The following SLC39A11 variants were observed in gnomAD, a reference collection of about 807,000 sequenced individuals.
SLC39A11 encodes solute carrier family 39 member 11, also known as zinc transporter ZIP11.
In SLC39A11, 33 loss-of-function variants were observed where a neutral mutation model predicts 36.1. The ratio of observed to expected loss-of-function variants is 0.91; its 90% CI spans 0.69 to 1.22. The LOEUF is 1.22. SLC39A11 is among the 50% of genes most tolerant of loss of function. SLC39A11 has a pLI of 0.00. For synonymous variants in SLC39A11, 166 were observed against 170.3 expected (o/e 0.97, Z 0.20); for missense variants, 432 against 430.3 (o/e 1.00, Z -0.03).
intron 6 of SLC39A11, among the ~76,000 whole-genome samples, chr17:72,833,801 G>C (rs963102038): frequency 6.6e-6 from 1 of 152,098 alleles, no homozygotes; most frequent in South Asian, 2.1e-4. Flanking sequence ...TGATGCTCTC[G>C]AGCCTGCTAC....
chr17:72,894,413 T>C (rs959635462), intron 5 of SLC39A11, among the ~76,000 whole-genome samples: 8 of 131,352 alleles, frequency 6.1e-5, no homozygotes, highest in African/African-American at 2.3e-4. Context: ...CTCATGCCTG[T>C]AATCGCAGCA....
At chr17:72,721,842 T>C (rs1035006053) in intron 7 of SLC39A11, among the ~76,000 whole-genome samples, 2 of 151,750 alleles carry the variant, frequency 1.3e-5, no homozygotes, top group East Asian at 1.9e-4. Context: ...TGGTGGTGCA[T>C]GCCCATAATC....
At chr17:72,653,416 T>C (rs138597950) in intron 7 of SLC39A11, among the ~76,000 whole-genome samples, 187 of 148,772 alleles carry the variant, frequency 1.3e-3, no homozygotes, top group Middle Eastern at 6.8e-3. Context: ...TTTTTTTTGT[T>C]TTGGTTTTTC....
chr17:72,766,575 C>T (rs753306080), intron 6 of SLC39A11, among the ~76,000 whole-genome samples: 8 of 152,192 alleles, frequency 5.3e-5, no homozygotes, highest in Non-Finnish European at 1.0e-4. Context: ...GCTTCTTCTG[C>T]TAGTGGCTCT....
intron 6 of SLC39A11, among the ~76,000 whole-genome samples, chr17:72,808,048 G>GA (rs770086098): frequency 5.2e-4 from 75 of 145,258 alleles, no homozygotes; most frequent in Admixed American, 1.4e-3. Flanking sequence ...GTTGTTACAG[G>GA]AAAAAAAAAA....
chr17:72,696,510 G>A (rs1011134995), intron 7 of SLC39A11, among the ~76,000 whole-genome samples: 5 of 152,116 alleles, frequency 3.3e-5, no homozygotes, highest in Admixed American at 3.3e-4. Context: ...TTCCTGTTCC[G>A]CTGGGCTTAA....
In SLC39A11 at chr17:72,704,969, T is replaced by G. The variant is rs11868186; in HGVS notation, c.671+31681A>C. On this transcript the variant is annotated intron_variant, in intron 7 of 9. Transcript: ENST00000255559. ...GGCTGGAGTCATTAGCAGGAAGCCA[T>G]CTTAACACCATTAGAAATGGGCAAT... Among the ~76,000 whole-genome samples, 3 of 152,174 alleles carry G rather than the reference T, an allele frequency of 2.0e-5. No homozygotes were observed. The East Asian group carries it at 5.8e-4, about 29-fold the overall frequency.
At chr17:72,718,500 T>C (rs541206849) in intron 7 of SLC39A11, among the ~76,000 whole-genome samples, 7 of 152,318 alleles carry the variant, frequency 4.6e-5, no homozygotes, top group African/African-American at 1.7e-4. Context: ...GGATTCATAA[T>C]GGGAGATTAG....
chr17:73,066,438 T>C (rs115233709), intron 3 of SLC39A11, among the ~76,000 whole-genome samples: 355 of 152,332 alleles, frequency 2.3e-3, no homozygotes, highest in Middle Eastern at 6.8e-3. Context: ...ACTCCACATT[T>C]ACAGTCTGTT....
chr17:73,041,012 A>AC (rs1555690062), intron 3 of SLC39A11, among the ~76,000 whole-genome samples: 2 of 151,610 alleles, frequency 1.3e-5, no homozygotes, highest in Admixed American at 6.6e-5. Flanking sequence ...CAAAAAACAA[A>AC]AAAAAAAAAC....
chr17:73,039,572 A>G (rs2059039770), intron 3 of SLC39A11, among the ~76,000 whole-genome samples: 1 of 152,216 alleles, frequency 6.6e-6, no homozygotes, highest in African/African-American at 2.4e-5. Flanking sequence ...TTTTTGGTCT[A>G]ATGCCTAATT....
chr17:72,826,978 C>T (rs1015549213), intron 6 of SLC39A11, among the ~76,000 whole-genome samples: 2 of 152,284 alleles, frequency 1.3e-5, no homozygotes, highest in African/African-American at 4.8e-5. Flanking sequence ...TACCAAATGA[C>T]CCAGCAATTC....
At chr17:72,808,891 C>A (rs1411841479) in intron 6 of SLC39A11, among the ~76,000 whole-genome samples, 1 of 152,128 alleles carries the variant, frequency 6.6e-6, no homozygotes, top group Non-Finnish European at 1.5e-5. Context: ...CCCTGCCCAA[C>A]AAATTATCCA....
rs7207045 is a variant in SLC39A11 at position 72,872,269 on chromosome 17, G to A, written c.431-22465C>T. 4.2e-3 allele frequency among the ~76,000 whole-genome samples: 636 copies of A among 152,186 alleles called. 3 individuals are homozygous for A. Among genetic ancestry groups the A allele is most frequent in the African/African-American group, 0.014 (591 of 41,494 alleles). On this transcript the variant is annotated intron_variant, in intron 5 of 9. Transcript: ENST00000255559. Reference sequence around the variant, plus strand: ...GTGTCCCTAGCTTGCCACCCACAGCGCATCCACATCCTCACACATGGGAAA... The same window carrying A: ...GTGTCCCTAGCTTGCCACCCACAGCACATCCACATCCTCACACATGGGAAA...
At chr17:73,037,647 G>A (rs1206827955) in intron 3 of SLC39A11, among the ~76,000 whole-genome samples, 2 of 152,250 alleles carry the variant, frequency 1.3e-5, no homozygotes, top group African/African-American at 2.4e-5. Flanking sequence ...AGGTATAACC[G>A]TAAGGAGCTG....
At chr17:72,818,985 GT>G (rs138775954) in intron 6 of SLC39A11, 1 of 151,820 alleles carries the variant, frequency 6.6e-6, no homozygotes, top group African/African-American at 2.4e-5. Flanking sequence ...CTATTATAAG[GT>G]TTTTTTTAAA....
chr17:72,820,248 C>T (rs946911791), intron 6 of SLC39A11, among the ~76,000 whole-genome samples: 9 of 151,132 alleles, frequency 6.0e-5, no homozygotes, highest in African/African-American at 2.2e-4. Flanking sequence ...TGACTATTTT[C>T]CCCTCTGGAT....
chr17:73,025,602 A>G (rs2058507569), intron 4 of SLC39A11, among the ~76,000 whole-genome samples: 3 of 152,228 alleles, frequency 2.0e-5, no homozygotes, highest in Non-Finnish European at 2.9e-5. Flanking sequence ...AATAACACAA[A>G]GAGAATGCAC....
At chr17:72,893,527 T>C (rs1479319066) in intron 5 of SLC39A11, among the ~76,000 whole-genome samples, 1 of 152,162 alleles carries the variant, frequency 6.6e-6, no homozygotes, top group Non-Finnish European at 1.5e-5. Flanking sequence ...TCCTTAGCTA[T>C]CTATATTGTA....
Sources: allele counts gnomAD v4.1 joint callset (sites outside exome capture counted in the v4.1 genomes callset), GRCh38; gene constraint gnomAD v4.1.1; transcripts MANE v1.5; gene names NCBI Gene and HGNC (gene_info 2026-07-23, HGNC 2026-07-21).